Variants in ZNF385D observed in about 807,000 individuals in gnomAD.
The protein encoded by ZNF385D is zinc finger protein 385D.
A neutral mutation model predicts 35.8 loss-of-function variants in ZNF385D; 15 were observed. The observed-to-expected ratio is 0.42, with a 90% CI of 0.28 to 0.64. The LOEUF (loss-of-function observed/expected upper bound fraction) is 0.64. Ranked by LOEUF, ZNF385D falls within the 30% of genes least tolerant of loss-of-function variation. The pLI, the probability that ZNF385D is intolerant of heterozygous loss-of-function variation, is 0.23. For synonymous variants in ZNF385D, 212 were observed against 186.8 expected (o/e 1.13, Z -1.10); for missense variants, 474 against 494.6 (o/e 0.96, Z 0.39).
At chr3:21,483,840 A>T (rs796999761) in intron 4 of ZNF385D, among the ~76,000 whole-genome samples, 12 of 152,294 alleles carry the variant, frequency 7.9e-5, no homozygotes, top group African/African-American at 2.2e-4. Context: ...CAGATATGTG[A>T]ATTAAAAAAT....
chr3:21,608,061 G>A (rs1233054650), intron 2 of ZNF385D, among the ~76,000 whole-genome samples: 1 of 103,068 alleles, frequency 9.7e-6, no homozygotes, highest in East Asian at 3.6e-4. Flanking sequence ...CCAGACAGGA[G>A]TGCAGTGGCA....
intron 2 of ZNF385D, among the ~76,000 whole-genome samples, chr3:22,277,171 A>G (rs1487722706): frequency 1.3e-5 from 2 of 152,136 alleles, no homozygotes; most frequent in Non-Finnish European, 2.9e-5. Context: ...TGAAATAGAG[A>G]TTTCAGGGAA....
intron 2 of ZNF385D, among the ~76,000 whole-genome samples, chr3:21,629,227 CT>C (rs2065215651): frequency 6.6e-6 from 1 of 152,018 alleles, no homozygotes; most frequent in Non-Finnish European, 1.5e-5. Context: ...AAATCATTTG[CT>C]TTGTGCAGGA....
At chr3:21,450,245 A>G (rs1702377431) in intron 4 of ZNF385D, among the ~76,000 whole-genome samples, 1 of 152,146 alleles carries the variant, frequency 6.6e-6, no homozygotes, top group Non-Finnish European at 1.5e-5. Flanking sequence ...GCTTTCTTTT[A>G]TGCTCTTGGA....
At chr3:22,322,249 T>C (rs1466870037) in intron 2 of ZNF385D, among the ~76,000 whole-genome samples, 6 of 152,348 alleles carry the variant, frequency 3.9e-5, no homozygotes, top group African/African-American at 1.4e-4. Context: ...TTGGCATTTA[T>C]AGTCTTTCCA....
intron 3 of ZNF385D, among the ~76,000 whole-genome samples, chr3:22,095,577 T>A (rs1254845788): frequency 3.3e-5 from 5 of 152,066 alleles, no homozygotes; most frequent in Non-Finnish European, 7.4e-5. Flanking sequence ...AAATGCTGCA[T>A]ACATGGATAC....
chr3:22,368,712 G>C (rs759419241), intron 2 of ZNF385D, among the ~76,000 whole-genome samples: 8 of 151,944 alleles, frequency 5.3e-5, no homozygotes, highest in Non-Finnish European at 1.0e-4. Flanking sequence ...CCCATTACAG[G>C]GGCTCTACCC....
intron 1 of ZNF385D, among the ~76,000 whole-genome samples, chr3:21,719,264 T>C (rs1308630375): frequency 1.3e-5 from 2 of 152,178 alleles, no homozygotes; most frequent in African/African-American, 2.4e-5. Context: ...CGTTATGTAC[T>C]TGTTACTAAA....
intron 3 of ZNF385D, among the ~76,000 whole-genome samples, chr3:21,846,753 G>A (rs1323717412): frequency 2.0e-5 from 3 of 151,988 alleles, no homozygotes; most frequent in South Asian, 2.1e-4. Flanking sequence ...GCTCAAAGAA[G>A]TGGCTTTCTA....
At chr3:21,867,733 T>G (rs887348415) in intron 3 of ZNF385D, among the ~76,000 whole-genome samples, 8 of 72,688 alleles carry the variant, frequency 1.1e-4, no homozygotes, top group African/African-American at 3.8e-4. Context: ...TATGTTTTAG[T>G]AGGAAAAGTA....
At chr3:21,766,003 C>T (rs932874488) in intron 3 of ZNF385D, among the ~76,000 whole-genome samples, 15 of 151,854 alleles carry the variant, frequency 9.9e-5, no homozygotes, top group African/African-American at 3.6e-4. Context: ...AGCTTTTTGA[C>T]TACATGTAAA....
chr3:22,181,898 G>A (rs971934973), intron 2 of ZNF385D, among the ~76,000 whole-genome samples: 6 of 152,142 alleles, frequency 3.9e-5, no homozygotes, highest in Admixed American at 6.5e-5. Flanking sequence ...GTTTCCCTGT[G>A]AAGAGGATCA....
At chr3:22,121,020 C>T (rs1046864916) in intron 3 of ZNF385D, among the ~76,000 whole-genome samples, 1 of 152,228 alleles carries the variant, frequency 6.6e-6, no homozygotes, top group East Asian at 1.9e-4. Flanking sequence ...CATAGAAATG[C>T]AAAGTTGCTT....
intron 2 of ZNF385D, among the ~76,000 whole-genome samples, chr3:22,195,026 C>T (rs1206157638): frequency 1.3e-5 from 2 of 151,700 alleles, no homozygotes; most frequent in African/African-American, 4.8e-5. Flanking sequence ...ATATGCTTAA[C>T]TTTATAAGAA....
At chr3:21,589,559 A>C (rs2063909636) in intron 2 of ZNF385D, among the ~76,000 whole-genome samples, 1 of 152,196 alleles carries the variant, frequency 6.6e-6, no homozygotes, top group Non-Finnish European at 1.5e-5. Flanking sequence ...AACAGCTTTG[A>C]AACTAAGGAC....
chr3:22,246,182 T>C (rs1663337571), intron 2 of ZNF385D, among the ~76,000 whole-genome samples: 1 of 152,162 alleles, frequency 6.6e-6, no homozygotes, highest in Non-Finnish European at 1.5e-5. Flanking sequence ...ACAAGAAACA[T>C]ACTTTTCTTT....
intron 2 of ZNF385D, among the ~76,000 whole-genome samples, chr3:22,331,513 T>A (rs962788339): frequency 1.3e-5 from 2 of 152,152 alleles, no homozygotes; most frequent in African/African-American, 4.8e-5. Flanking sequence ...ACCTAACGCA[T>A]ACTCGTAAAA....
chr3:21,935,167 AG>A (rs1463911617), intron 3 of ZNF385D, among the ~76,000 whole-genome samples: 2 of 152,166 alleles, frequency 1.3e-5, no homozygotes, highest in African/African-American at 4.8e-5. Context: ...GAGGCTGTGG[AG>A]GAGTATTTGT....
At chr3:21,458,045 A>G (rs904705323) in intron 4 of ZNF385D, among the ~76,000 whole-genome samples, 2 of 152,300 alleles carry the variant, frequency 1.3e-5, no homozygotes, top group Middle Eastern at 3.4e-3. Context: ...CAACAACAAC[A>G]AAACATTCAG....
Sources: allele counts gnomAD v4.1 joint callset (sites outside exome capture counted in the v4.1 genomes callset), GRCh38; gene constraint gnomAD v4.1.1; transcripts MANE v1.5; gene names NCBI Gene and HGNC (gene_info 2026-07-23, HGNC 2026-07-21).